PTPRT: variants seen among roughly 807,000 people sequenced by gnomAD.
PTPRT encodes protein tyrosine phosphatase receptor type T, also known as receptor-type tyrosine-protein phosphatase T.
PTPRT carries 56 observed loss-of-function variants against 176.8 expected under a neutral mutation model. The ratio of observed to expected loss-of-function variants is 0.32; its 90% CI spans 0.26 to 0.40. The LOEUF (loss-of-function observed/expected upper bound fraction) is 0.40, where lower values mean the gene tolerates loss of function less well. Among genes scored for constraint, PTPRT ranks in the 10% least tolerant of loss-of-function variants. The pLI is 1.00. For missense variants in PTPRT, 1,540 were observed against 1,908.2 expected (o/e 0.81, Z 3.60); for synonymous variants, 783 against 739.0 (o/e 1.06, Z -0.96).
chr20:42,125,668 A>C (rs1007327953), intron 19 of PTPRT, among the ~76,000 whole-genome samples: 1 of 152,254 alleles, frequency 6.6e-6, no homozygotes, highest in Non-Finnish European at 1.5e-5. Context: ...AAAACAGGAA[A>C]TGAATCAGAG....
intron 9 of PTPRT, among the ~76,000 whole-genome samples, chr20:42,443,972 A>G (rs543813171): frequency 6.6e-6 from 1 of 152,328 alleles, no homozygotes; most frequent in South Asian, 2.1e-4. Context: ...TCCACACAAC[A>G]GCTGGATGAC....
At chr20:42,664,289 C>A (rs1027209366) in intron 7 of PTPRT, among the ~76,000 whole-genome samples, 11 of 152,174 alleles carry the variant, frequency 7.2e-5, no homozygotes, top group African/African-American at 2.6e-4. Context: ...TCTCCCTTTT[C>A]TCAGTTTTGT....
At chr20:42,640,142 T>A (rs1018022882) in intron 7 of PTPRT, among the ~76,000 whole-genome samples, 12 of 152,126 alleles carry the variant, frequency 7.9e-5, no homozygotes, top group Non-Finnish European at 1.5e-4. Context: ...AAGTTCTTAA[T>A]CAAATGGGCA....
At position 42,493,425 on chromosome 20, in the gene PTPRT, C is replaced by T. The variant is rs150473061; in HGVS notation, c.1154-20863G>A. ...TGTCTGGGTTAACATTTATTGAACT[C>T]TTCCTCTGTAAGTTCTAGGTTCTGT... is the stretch of plus-strand genomic sequence containing the variant. On this transcript the variant is annotated intron_variant, in intron 7 of 30. Transcript: ENST00000373187. Among the ~76,000 whole-genome samples the T allele has an allele frequency of 5.9e-3, 903 of 152,148 alleles. 6 individuals carry two copies. The highest frequency in any genetic ancestry group is 0.019 in the African/African-American group (806 of 41,524).
At chr20:42,678,750 T>C (rs1009631295) in intron 6 of PTPRT, among the ~76,000 whole-genome samples, 3 of 152,214 alleles carry the variant, frequency 2.0e-5, no homozygotes, top group Admixed American at 6.5e-5. Flanking sequence ...TGTGAGGAAA[T>C]GGTTTTCCCA....
At chr20:42,828,904 G>C (rs1001812974) in intron 2 of PTPRT, among the ~76,000 whole-genome samples, 2 of 152,182 alleles carry the variant, frequency 1.3e-5, no homozygotes, top group Non-Finnish European at 2.9e-5. Flanking sequence ...TGTGGGGTTA[G>C]AGTCTCCATA....
intron 1 of PTPRT, among the ~76,000 whole-genome samples, chr20:43,107,909 G>C (rs2012687301): frequency 6.6e-6 from 1 of 152,216 alleles, no homozygotes. Context: ...ATTAATGTTG[G>C]GTTATTCTTC....
At chr20:42,580,445 T>G (rs374571872) in intron 7 of PTPRT, among the ~76,000 whole-genome samples, 4 of 152,234 alleles carry the variant, frequency 2.6e-5, no homozygotes, top group East Asian at 1.9e-4. Flanking sequence ...GTGAGGAAAG[T>G]CATTGGTAGC....
chr20:42,227,458 T>A (rs1266470449), intron 15 of PTPRT, among the ~76,000 whole-genome samples: 1 of 152,160 alleles, frequency 6.6e-6, no homozygotes, highest in Admixed American at 6.5e-5. Context: ...TCATTGCCTA[T>A]GAACACTTTG....
rs912836374 is a variant in PTPRT, at chr20:42,734,521, C to A, written c.859+21941G>T. The stretch of plus-strand genomic sequence containing the variant: ...GACTTAGCATTATAGAAGGGCAGAG[C>A]ATGGCAGGATCCCAGGGGAAAAGAA... On this transcript the variant is annotated intron_variant, in intron 6 of 30. Transcript: ENST00000373187. 2.6e-5 allele frequency among the ~76,000 whole-genome samples: 4 copies of A among 152,274 alleles called. No homozygotes were observed. The East Asian group carries it at 7.7e-4, about 29-fold the overall frequency.
At chr20:42,841,646 C>T (rs2078280118) in intron 2 of PTPRT, among the ~76,000 whole-genome samples, 1 of 145,242 alleles carries the variant, frequency 6.9e-6, no homozygotes, top group Admixed American at 6.7e-5. Flanking sequence ...CACACACACA[C>T]ACACACACAC....
the PTPRT span, among the ~76,000 whole-genome samples, chr20:42,052,696 C>T: frequency 6.6e-6 from 1 of 152,190 alleles, no homozygotes; most frequent in East Asian, 1.9e-4. Context: ...GTCTCAGGTG[C>T]TCACCTTGCA....
intron 7 of PTPRT, among the ~76,000 whole-genome samples, chr20:42,545,331 A>G (rs1238615645): frequency 1.3e-5 from 2 of 152,102 alleles, no homozygotes; most frequent in Non-Finnish European, 2.9e-5. Context: ...GGTTCATCAA[A>G]CCACCCTAGT....
At chr20:42,836,603 C>G (rs1356759775) in intron 2 of PTPRT, among the ~76,000 whole-genome samples, 1 of 152,102 alleles carries the variant, frequency 6.6e-6, no homozygotes, top group Non-Finnish European at 1.5e-5. Context: ...AGCTGCAAGT[C>G]AGAAATGGCA....
At chr20:43,039,268 T>C (rs1986509679) in intron 1 of PTPRT, among the ~76,000 whole-genome samples, 1 of 152,142 alleles carries the variant, frequency 6.6e-6, no homozygotes. Flanking sequence ...TACATATTAT[T>C]CTGGTTGCAT....
In PTPRT at chr20:42,462,191, A is replaced by T. The variant is rs968775161; in HGVS notation, c.1450+10075T>A. 3.9e-5 allele frequency among the ~76,000 whole-genome samples: 6 copies of T among 152,312 alleles called. No homozygotes were observed. In the South Asian group the frequency reaches 1.2e-3, roughly 32 times the overall value. On this transcript the variant is annotated intron_variant, in intron 8 of 30. Coordinates refer to ENST00000373187, the MANE Select transcript of PTPRT (RefSeq NM_007050.6). ...CAGTTCCTCAGTCTATTAGGTAACAAGGTCATCTGTGGAAGTGAGAACAGG... is the reference window on the plus strand; with the variant it reads ...CAGTTCCTCAGTCTATTAGGTAACATGGTCATCTGTGGAAGTGAGAACAGG...
intron 9 of PTPRT, among the ~76,000 whole-genome samples, chr20:42,407,799 C>T: frequency 6.6e-6 from 1 of 151,976 alleles, no homozygotes; most frequent in East Asian, 1.9e-4. Context: ...TAGAATTTAT[C>T]CAGGAGCTGA....
At chr20:42,872,894 G>A (rs2078869529) in intron 2 of PTPRT, among the ~76,000 whole-genome samples, 1 of 152,160 alleles carries the variant, frequency 6.6e-6, no homozygotes, top group Non-Finnish European at 1.5e-5. Flanking sequence ...TGAGTTCCCA[G>A]GGATGCTTCC....
At chr20:43,169,507 G>T (rs544418671) in intron 1 of PTPRT, among the ~76,000 whole-genome samples, 17 of 152,254 alleles carry the variant, frequency 1.1e-4, no homozygotes, top group African/African-American at 3.4e-4. Context: ...AACACTGGGG[G>T]TTATAAATGT....
Sources: gnomAD v4.1 joint callset for allele counts (sites outside exome capture counted in the v4.1 genomes callset) on GRCh38, gnomAD v4.1.1 for gene constraint, MANE v1.5 for transcripts, NCBI Gene and HGNC (gene_info 2026-07-23, HGNC 2026-07-21) for gene names.